Variants in ATP5F1C observed in about 807,000 individuals in gnomAD.
The protein encoded by ATP5F1C is ATP synthase F(1) complex subunit gamma, mitochondrial.
ATP5F1C carries 22 observed loss-of-function variants against 37.4 expected under a neutral mutation model. The ratio of observed to expected loss-of-function variants is 0.59; its 90% CI spans 0.42 to 0.84. ATP5F1C has a LOEUF of 0.84. Ranked by LOEUF, ATP5F1C falls within the 40% of genes least tolerant of loss-of-function variation. The pLI is 0.00. For synonymous variants in ATP5F1C, 121 were observed against 128.0 expected (o/e 0.95, Z 0.37); for missense variants, 286 against 362.4 (o/e 0.79, Z 1.71).
At chr10:7,794,014 A>T (rs1422864784) in intron 1 of ATP5F1C, among the ~76,000 whole-genome samples, 1 of 152,212 alleles carries the variant, frequency 6.6e-6, no homozygotes, top group African/African-American at 2.4e-5. Context: ...TAACCTTGAA[A>T]ATCAGTTTAT....
intron 2 of ATP5F1C, chr10:7,796,692 C>G (rs1312235658): frequency 6.2e-6 from 1 of 160,910 alleles, no homozygotes; most frequent in East Asian, 1.8e-4. Flanking sequence ...TCACGCCGTT[C>G]TCCTGCCTCA....
At chr10:7,801,423 T>A (rs1458313817) in intron 6 of ATP5F1C, 1 of 152,260 alleles carries the variant, frequency 6.6e-6, no homozygotes, top group Non-Finnish European at 1.5e-5. Context: ...CTTCTAAATT[T>A]CTACAACATT....
In ATP5F1C at chr10:7,807,005, CAA is replaced by C; in HGVS notation, c.*26_*27del. 2 of 1,611,134 alleles carry C rather than the reference CAA, an allele frequency of 1.2e-6. No homozygotes were observed. Among genetic ancestry groups the C allele is most frequent in the African/African-American group, 1.3e-5 (1 of 74,982 alleles). On this transcript the variant is annotated 3_prime_UTR_variant, in exon 9 of 10. Transcript: ENST00000356708. ...ATGAAAATCAAGTTCCATCCTCAGA[CAA>C]GAGGTAAAGTTCACACATTCTTCCC... is the stretch of plus-strand genomic sequence containing the variant.
Position 7,802,713 on chromosome 10 carries a change from C to A in ATP5F1C, c.794-45C>A, listed in dbSNP as rs765768138. ...AGAAGTTAGTTAACAAGTTATTCTA[C>A]TCTAGTTTCAGATTTTTTATGTAGT... On this transcript the variant is annotated intron_variant, in intron 7 of 9. Coordinates refer to ENST00000356708, the MANE Select transcript of ATP5F1C (RefSeq NM_001001973.3). 6 of 1,569,324 alleles carry A rather than the reference C, an allele frequency of 3.8e-6. No individual in the cohort carries two copies. The South Asian group carries it at 6.9e-5, about 18-fold the overall frequency.
At chr10:7,805,981 G>A (rs915076904) in intron 8 of ATP5F1C, among the ~76,000 whole-genome samples, 1 of 152,164 alleles carries the variant, frequency 6.6e-6, no homozygotes, top group Non-Finnish European at 1.5e-5. Context: ...AGCTACTCAG[G>A]AAATTGAGGC....
At chr10:7,798,422 T>C (rs77032254) in intron 3 of ATP5F1C, among the ~76,000 whole-genome samples, 5,071 of 152,006 alleles carry the variant, frequency 0.033, 113 homozygotes, top group Non-Finnish European at 0.047. Flanking sequence ...ATTTTTTTTT[T>C]CTGAGTCGGA....
At chr10:7,799,709 C>A (rs1836314380) in intron 4 of ATP5F1C, 63 bp from the exon 5 acceptor site, 1 of 1,583,058 alleles carries the variant, frequency 6.3e-7, no homozygotes, top group Non-Finnish European at 8.6e-7. Flanking sequence ...CCTGCCTGTC[C>A]CCTGTGCTCT....
chr10:7,801,190 T>C (rs1332831598), intron 6 of ATP5F1C, among the ~76,000 whole-genome samples: 1 of 148,034 alleles, frequency 6.8e-6, no homozygotes, highest in Non-Finnish European at 1.5e-5. Context: ...TATTTTCTAA[T>C]ACTTCATTTA....
At chr10:7,807,514 T>G in intron 9 of ATP5F1C, 145 bp from the exon 10 acceptor site, 3 of 938,830 alleles carry the variant, frequency 3.2e-6, no homozygotes, top group Non-Finnish European at 4.5e-6. Flanking sequence ...CAGACCAAAA[T>G]TTTAGAATCA....
chr10:7,799,671 G>A, intron 4 of ATP5F1C, 101 bp from the exon 5 acceptor site: 1 of 1,399,988 alleles, frequency 7.1e-7, no homozygotes, highest in South Asian at 1.3e-5. Context: ...TACCCCAAAA[G>A]ACCTGATCCA....
chr10:7,797,130 G>A lies in ATP5F1C; in HGVS notation c.175G>A (p.Ala59Thr), dbSNP rs1588498743. 6.2e-7 allele frequency: 1 copy of A among 1,614,152 alleles called. No individual in the cohort carries two copies. Among genetic ancestry groups the A allele is most frequent in the East Asian group, 2.2e-5 (1 of 44,876 alleles). Residue 59 changes from alanine (A) to threonine (T), a missense_variant, in exon 3 of 10, where the codon GCT (alanine) becomes ACT (threonine). By Grantham distance (58) the Ala-to-Thr change is moderately conservative (BLOSUM62 0). Transcript: ENST00000356708. ...KMVAAAKYAR[A>T]ERELKPARIY... ...GGTAGCGGCAGCAAAATATGCCCGA[G>A]CTGAGAGAGAGCTGAAACCAGCTCG... is the stretch of plus-strand genomic sequence containing the variant.
rs145265957 is a variant in ATP5F1C at position 7,790,994 on chromosome 10, G to A, written c.56+2731G>A. On this transcript the variant is annotated intron_variant, in intron 1 of 9. Coordinates refer to ENST00000356708, the MANE Select transcript of ATP5F1C (RefSeq NM_001001973.3). ...ATGTAAGAAGATTGCTTGGACTTGC[G>A]AAAAGAGGAAAAGAAGATGCAGTCG... is the stretch of plus-strand genomic sequence containing the variant. 4.2e-4 allele frequency among the ~76,000 whole-genome samples: 64 copies of A among 152,210 alleles called. 1 individual carries two copies. The highest frequency in any genetic ancestry group is 1.9e-4 in the East Asian group (1 of 5,178).
Position 7,799,821 on chromosome 10 carries a change from C to G in ATP5F1C, c.478C>G (p.Pro160Ala), listed in dbSNP as rs1046568019. 45 of 1,614,044 alleles carry G rather than the reference C, an allele frequency of 2.8e-5. No individual in the cohort carries two copies. The highest frequency in any genetic ancestry group is 3.5e-5 in the Non-Finnish European group (41 of 1,180,030). Residue 160 changes from proline (P) to alanine (A), a missense_variant, in exon 5 of 10, where the codon CCC (proline) becomes GCC (alanine). Coordinates refer to ENST00000356708, the MANE Select transcript of ATP5F1C (RefSeq NM_001001973.3). Reference protein sequence around the residue: ...LVAFKEVGRKPPTFGDASVIA... With the variant: ...LVAFKEVGRKAPTFGDASVIA... ...GGCATTCAAAGAAGTGGGAAGAAAG[C>G]CCCCCACTTTTGGAGATGCGTCAGT...
In ATP5F1C at chr10:7,793,109, T is replaced by G. The variant is rs192828191; in HGVS notation, c.57-3012T>G. On this transcript the variant is annotated intron_variant, in intron 1 of 9. Transcript: ENST00000356708. ...ATCTTATGTGCTTTTTGCCATCTGG[T>G]TGGTTTTTGTTTTTGTTTTTTGAGA... is the stretch of plus-strand genomic sequence containing the variant. Among the ~76,000 whole-genome samples the G allele has an allele frequency of 1.4e-3, 219 of 152,200 alleles. 1 individual carries two copies. Among genetic ancestry groups the G allele is most frequent in the African/African-American group, 5.1e-3 (212 of 41,536 alleles).
At chr10:7,807,090 A>G in intron 9 of ATP5F1C, 80 bp downstream of exon 9, 12 of 1,384,118 alleles carry the variant, frequency 8.7e-6, no homozygotes, top group Non-Finnish European at 1.2e-5. Flanking sequence ...TAGTAATCCT[A>G]GAATTGTCCT....
At chr10:7,792,011 T>C (rs1450940294) in intron 1 of ATP5F1C, among the ~76,000 whole-genome samples, 2 of 152,204 alleles carry the variant, frequency 1.3e-5, no homozygotes, top group Non-Finnish European at 2.9e-5. Context: ...CTTGTGTCAG[T>C]TGAAGTGTCT....
chr10:7,799,960 T>G (rs567463484), intron 5 of ATP5F1C, 45 bp downstream of exon 5: 2 of 1,606,134 alleles, frequency 1.2e-6, no homozygotes, highest in Non-Finnish European at 1.7e-6. Context: ...TTCATGCTTT[T>G]GTTCATATTT....
At chr10:7,797,946 A>C (rs1274685518) in intron 3 of ATP5F1C, among the ~76,000 whole-genome samples, 2 of 152,186 alleles carry the variant, frequency 1.3e-5, no homozygotes, top group African/African-American at 4.8e-5. Flanking sequence ...TTGATTATGA[A>C]TTCATCTTGG....
Position 7,798,980 on chromosome 10 carries a change from T to G in ATP5F1C, c.224-10T>G. On this transcript the variant is annotated splice_polypyrimidine_tract_variant and intron_variant, in intron 3 of 9. Transcript: ENST00000356708. ...ATATAAAAAAATTACTGCTTTTGTTTGTTTTTAAGCTCTGTATGAAAAAGC... is the reference window on the plus strand; with the variant it reads ...ATATAAAAAAATTACTGCTTTTGTTGGTTTTTAAGCTCTGTATGAAAAAGC... 1 of 1,609,082 alleles carries G rather than the reference T, an allele frequency of 6.2e-7. No homozygotes were observed. The highest frequency in any genetic ancestry group is 8.5e-7 in the Non-Finnish European group (1 of 1,178,862).
Sources: gnomAD v4.1 joint callset for allele counts (sites outside exome capture counted in the v4.1 genomes callset) on GRCh38, gnomAD v4.1.1 for gene constraint, MANE v1.5 for transcripts, NCBI Gene and HGNC (gene_info 2026-07-23, HGNC 2026-07-21) for gene names.